The following SPMIP4 variants were observed in gnomAD, a reference collection of about 807,000 sequenced individuals.
The protein encoded by SPMIP4 is sperm-associated microtubule inner protein 4.
chr7:25,131,259 A>T, the SPMIP4 span, among the ~76,000 whole-genome samples: 1 of 152,216 alleles, frequency 6.6e-6, no homozygotes, highest in Non-Finnish European at 1.5e-5. The surrounding 1 kb of genome is among the most constrained non-coding windows in gnomAD (Gnocchi z 4.2). Context: ...ATGCAAGAAA[A>T]CAAGCTCAGG....
the SPMIP4 span, among the ~76,000 whole-genome samples, chr7:25,137,605 A>C: frequency 6.6e-6 from 1 of 152,100 alleles, no homozygotes; most frequent in Non-Finnish European, 1.5e-5. Flanking sequence ...TGGGTGGTTT[A>C]ATGGAAATCT....
the SPMIP4 span, among the ~76,000 whole-genome samples, chr7:25,141,108 A>C: frequency 6.6e-6 from 1 of 152,214 alleles, no homozygotes; most frequent in Non-Finnish European, 1.5e-5. Flanking sequence ...TGCTCATTAA[A>C]GGGCTTGATT....
chr7:25,163,789 T>C, the SPMIP4 span, among the ~76,000 whole-genome samples: 1 of 152,210 alleles, frequency 6.6e-6, no homozygotes, highest in African/African-American at 2.4e-5. The surrounding 1 kb of genome is among the most constrained non-coding windows in gnomAD (Gnocchi z 4.4). Context: ...CTTATCCTCA[T>C]AAGATTAGAC....
the SPMIP4 span, among the ~76,000 whole-genome samples, chr7:25,175,480 G>A: frequency 2.0e-5 from 3 of 152,150 alleles, no homozygotes; most frequent in Non-Finnish European, 4.4e-5. Context: ...GCTGATGTGA[G>A]GAAATCGTTT....
chr7:25,130,222 C>T, the SPMIP4 span, among the ~76,000 whole-genome samples: 19 of 149,252 alleles, frequency 1.3e-4, no homozygotes, highest in Admixed American at 4.0e-4. Context: ...CCAACCTGGG[C>T]GACAGAGAAA....
At chr7:25,136,824 A>G in the SPMIP4 span, 1 of 1,587,072 alleles carries the variant, frequency 6.3e-7, no homozygotes, top group Non-Finnish European at 8.6e-7. The surrounding 1 kb of genome is among the most constrained non-coding windows in gnomAD (Gnocchi z 5.7). Flanking sequence ...GGAGAAAAAA[A>G]TTGATCAGGG....
At chr7:25,139,175 G>T in the SPMIP4 span, among the ~76,000 whole-genome samples, 1 of 152,038 alleles carries the variant, frequency 6.6e-6, no homozygotes. Context: ...AAAAAAAACC[G>T]CAAACAAATA....
the SPMIP4 span, chr7:25,136,893 G>A: frequency 8.7e-7 from 1 of 1,154,976 alleles, no homozygotes; most frequent in South Asian, 1.4e-5. The surrounding 1 kb of genome is among the most constrained non-coding windows in gnomAD (Gnocchi z 5.7). Flanking sequence ...GAGTACACGA[G>A]ATGGGCATAG....
the SPMIP4 span, chr7:25,135,777 T>C: frequency 7.8e-7 from 1 of 1,281,408 alleles, no homozygotes; most frequent in Non-Finnish European, 9.8e-7. Context: ...TTGTTAAACT[T>C]TTCAAGAAGT....
chr7:25,170,139 T>A, the SPMIP4 span, among the ~76,000 whole-genome samples: 1 of 152,306 alleles, frequency 6.6e-6, no homozygotes, highest in African/African-American at 2.4e-5. Flanking sequence ...AGCTGCTCCA[T>A]TTTACATTCC....
chr7:25,136,203 C>T, the SPMIP4 span: 4 of 1,614,170 alleles, frequency 2.5e-6, no homozygotes, highest in Non-Finnish European at 3.4e-6. The surrounding 1 kb of genome is among the most constrained non-coding windows in gnomAD (Gnocchi z 5.7). Flanking sequence ...TTTCCATATT[C>T]AAGAACAACT....
At chr7:25,162,781 T>C in the SPMIP4 span, among the ~76,000 whole-genome samples, 8 of 151,872 alleles carry the variant, frequency 5.3e-5, no homozygotes, top group African/African-American at 1.9e-4. Context: ...TTTATTTAAA[T>C]TTTTTTTTGA....
the SPMIP4 span, chr7:25,125,913 G>C: frequency 2.0e-6 from 2 of 985,256 alleles, no homozygotes; most frequent in Non-Finnish European, 2.4e-6. Context: ...CTCTCCGCTT[G>C]ATGGACGCCC....
At chr7:25,175,244 A>C in the SPMIP4 span, among the ~76,000 whole-genome samples, 18 of 152,058 alleles carry the variant, frequency 1.2e-4, no homozygotes, top group Middle Eastern at 3.4e-3. Context: ...CGTGTCACCT[A>C]TTTTTGTATT....
the SPMIP4 span, among the ~76,000 whole-genome samples, chr7:25,131,618 C>G: frequency 6.6e-6 from 1 of 152,218 alleles, no homozygotes. This position sits in a 1 kb window ranked among gnomAD's most constrained non-coding sequence, Gnocchi z 4.2. Flanking sequence ...TGGCAGGCCA[C>G]TTCCAAAATG....
the SPMIP4 span, among the ~76,000 whole-genome samples, chr7:25,140,114 A>C: frequency 6.6e-6 from 1 of 152,206 alleles, no homozygotes; most frequent in South Asian, 2.1e-4. Context: ...ACCTGACAAC[A>C]TATGTTCATA....
chr7:25,144,652 G>A, the SPMIP4 span, among the ~76,000 whole-genome samples: 1 of 152,188 alleles, frequency 6.6e-6, no homozygotes. Flanking sequence ...GAGGAGCATG[G>A]GCTCCAGACG....
chr7:25,148,477 C>CTTTTTTTTTTTTT, the SPMIP4 span, among the ~76,000 whole-genome samples: 22 of 128,180 alleles, frequency 1.7e-4, no homozygotes, highest in African/African-American at 5.5e-4. Flanking sequence ...GAATCTGCCT[C>CTTTTTTTTTTTTT]TTTTTTTTTT....
At chr7:25,171,062 C>G in the SPMIP4 span, among the ~76,000 whole-genome samples, 2 of 152,164 alleles carry the variant, frequency 1.3e-5, no homozygotes, top group Non-Finnish European at 2.9e-5. Context: ...TTAAGAAGCC[C>G]TCCAGGTGAT....
Sources: gnomAD v4.1 joint callset for allele counts (sites outside exome capture counted in the v4.1 genomes callset) on GRCh38, gnomAD v4.1.1 for gene constraint, Gnocchi (gnomAD v3.1) non-coding constraint, MANE v1.5 for transcripts, NCBI Gene and HGNC (gene_info 2026-07-23, HGNC 2026-07-21) for gene names.